Variants in SLC35F3 observed in about 807,000 individuals in gnomAD.
The protein encoded by SLC35F3 is putative thiamine transporter SLC35F3.
In SLC35F3, 25 loss-of-function variants were observed where a neutral mutation model predicts 49.9. The ratio of observed to expected loss-of-function variants is 0.50; its 90% CI spans 0.37 to 0.70. The LOEUF (loss-of-function observed/expected upper bound fraction) is 0.70. SLC35F3 is among the 30% of genes least tolerant of loss of function. The probability of loss-of-function intolerance (pLI) is 0.00; values close to 1 mark genes in which losing one functional copy is unlikely to be tolerated. For synonymous variants in SLC35F3, 275 were observed against 265.4 expected (o/e 1.04, Z -0.35); for missense variants, 525 against 639.8 (o/e 0.82, Z 1.94).
At chr1:234,082,416 A>T (rs1664892223) in intron 2 of SLC35F3, among the ~76,000 whole-genome samples, 1 of 152,204 alleles carries the variant, frequency 6.6e-6, no homozygotes, top group South Asian at 2.1e-4. Context: ...CAACCTAGAC[A>T]GAGCAGTGTG....
chr1:234,237,962 C>A (rs776423552), intron 3 of SLC35F3, among the ~76,000 whole-genome samples: 1 of 152,202 alleles, frequency 6.6e-6, no homozygotes, highest in Non-Finnish European at 1.5e-5. Context: ...CCTTGGCCCC[C>A]CAAAGTGCTG....
At chr1:234,241,246 C>T (rs1315410578) in intron 3 of SLC35F3, among the ~76,000 whole-genome samples, 3 of 152,064 alleles carry the variant, frequency 2.0e-5, no homozygotes, top group Non-Finnish European at 2.9e-5. Flanking sequence ...CTGCCACATG[C>T]GGCACAGGGG....
chr1:234,307,953 C>T (rs1437764597), intron 3 of SLC35F3, among the ~76,000 whole-genome samples: 2 of 152,230 alleles, frequency 1.3e-5, no homozygotes. Context: ...ACGGCCTCCT[C>T]TACTTCCTTC....
chr1:234,139,824 T>C (rs1335293332), intron 2 of SLC35F3, among the ~76,000 whole-genome samples: 2 of 151,770 alleles, frequency 1.3e-5, no homozygotes, highest in African/African-American at 2.4e-5. Context: ...GGCACACGCC[T>C]GTAGTCCCAA....
chr1:234,047,764 G>A (rs1429929254), intron 2 of SLC35F3, among the ~76,000 whole-genome samples: 1 of 152,086 alleles, frequency 6.6e-6, no homozygotes, highest in Non-Finnish European at 1.5e-5. Flanking sequence ...GGTGGAGATG[G>A]GGTGGTTGAA....
rs369777840 is a variant in SLC35F3, at chr1:233,954,029, C to T, written c.283+48271C>T. 6.6e-3 allele frequency among the ~76,000 whole-genome samples: 957 copies of T among 145,666 alleles called. 9 individuals are homozygous for T. The highest frequency in any genetic ancestry group is 0.023 in the African/African-American group (918 of 39,396). ...GCCTCTTTTTTTTTTTTTTTTGAGA[C>T]GGAGTCTCGCTCTGTCATCCAGGCT... On this transcript the variant is annotated intron_variant, in intron 2 of 7. Coordinates refer to ENST00000366618, the MANE Select transcript of SLC35F3 (RefSeq NM_173508.4).
At chr1:234,103,728 C>T (rs566158442) in intron 2 of SLC35F3, among the ~76,000 whole-genome samples, 1 of 152,314 alleles carries the variant, frequency 6.6e-6, no homozygotes, top group African/African-American at 2.4e-5. Flanking sequence ...AAACACCCTC[C>T]ATTAGCCCGC....
intron 3 of SLC35F3, among the ~76,000 whole-genome samples, chr1:234,299,572 A>G (rs1250656230): frequency 2.0e-5 from 3 of 152,094 alleles, no homozygotes; most frequent in African/African-American, 7.2e-5. Flanking sequence ...TTGGGAGGCC[A>G]AGACGGGCAG....
chr1:234,285,141 G>A, intron 3 of SLC35F3: 1 of 296,514 alleles, frequency 3.4e-6, no homozygotes, highest in Non-Finnish European at 6.5e-6. Flanking sequence ...GCTCTGGGTT[G>A]ACAAAATGGT....
chr1:234,108,788 GAT>G (rs1665351778), intron 2 of SLC35F3, among the ~76,000 whole-genome samples: 3 of 115,208 alleles, frequency 2.6e-5, no homozygotes, highest in Admixed American at 1.1e-4. Flanking sequence ...ATATATAAAA[GAT>G]ATATATATTT....
chr1:234,144,601 G>A (rs1665970168), intron 2 of SLC35F3, among the ~76,000 whole-genome samples: 1 of 152,138 alleles, frequency 6.6e-6, no homozygotes, highest in African/African-American at 2.4e-5. Context: ...CACCTGCTAG[G>A]CAACTATTTT....
intron 2 of SLC35F3, among the ~76,000 whole-genome samples, chr1:234,104,923 G>GT (rs1272209047): frequency 6.6e-6 from 1 of 152,156 alleles, no homozygotes; most frequent in Non-Finnish European, 1.5e-5. Context: ...GGGGTCAGGT[G>GT]TTTGAGACCA....
intron 2 of SLC35F3, among the ~76,000 whole-genome samples, chr1:234,179,409 C>T (rs903463918): frequency 7.2e-5 from 11 of 152,176 alleles, no homozygotes; most frequent in African/African-American, 2.7e-4. Context: ...GCTCTAAAAA[C>T]ATTTTCTTAG....
chr1:234,009,758 G>A (rs180876656), intron 2 of SLC35F3, among the ~76,000 whole-genome samples: 71 of 152,250 alleles, frequency 4.7e-4, no homozygotes, highest in African/African-American at 1.5e-3. Context: ...AAAAAAATCA[G>A]TCTTTATCAC....
chr1:233,967,026 G>A (rs1286153110), intron 2 of SLC35F3, among the ~76,000 whole-genome samples: 1 of 152,108 alleles, frequency 6.6e-6, no homozygotes, highest in Admixed American at 6.6e-5. Flanking sequence ...TTTGAGTAGG[G>A]TTGCCAGACT....
chr1:234,295,876 T>G (rs1286801052), intron 3 of SLC35F3, among the ~76,000 whole-genome samples: 3 of 152,236 alleles, frequency 2.0e-5, no homozygotes, highest in African/African-American at 7.2e-5. Flanking sequence ...CTGTTCCCAC[T>G]GAGTCTGAGT....
At chr1:234,076,604 G>A (rs1173843526) in intron 2 of SLC35F3, among the ~76,000 whole-genome samples, 16 of 152,010 alleles carry the variant, frequency 1.1e-4, no homozygotes, top group African/African-American at 3.9e-4. Context: ...TGGGATTATG[G>A]GTGCCCGCCA....
intron 3 of SLC35F3, among the ~76,000 whole-genome samples, chr1:234,271,650 A>G (rs924283789): frequency 1.6e-4 from 25 of 152,256 alleles, no homozygotes; most frequent in Non-Finnish European, 8.8e-5. Flanking sequence ...GCCGAAAGCA[A>G]GAACTTCATT....
chr1:234,231,877 C>T lies in SLC35F3; in HGVS notation c.608+136C>T, dbSNP rs1667385100. ...GTGGAGAGATGTTGCAGTGAATGCA[C>T]CTGCTCTCAGTGGGGTCGGGAGCAG... On this transcript the variant is annotated intron_variant, in intron 3 of 7. Coordinates refer to ENST00000366618, the MANE Select transcript of SLC35F3 (RefSeq NM_173508.4). The surrounding 1 kb of genome is among the most constrained non-coding windows in gnomAD (Gnocchi z 5.4). The T allele has an allele frequency of 4.8e-6, 4 of 831,586 alleles. No individual in the cohort carries two copies. In the South Asian group the frequency reaches 6.8e-5, roughly 14 times the overall value. The allele number at this position is 831,586 out of a possible 1,614,324, so 51.5% of individuals were successfully genotyped here.
Sources: gnomAD v4.1 joint callset for allele counts (sites outside exome capture counted in the v4.1 genomes callset) on GRCh38, gnomAD v4.1.1 for gene constraint, Gnocchi (gnomAD v3.1) non-coding constraint, MANE v1.5 for transcripts, NCBI Gene and HGNC (gene_info 2026-07-23, HGNC 2026-07-21) for gene names.